The following NSUN6 variants were observed in gnomAD, a reference collection of about 807,000 sequenced individuals.
The protein encoded by NSUN6 is NOP2/Sun RNA methyltransferase 6.
In NSUN6, 64 loss-of-function variants were observed where a neutral mutation model predicts 58.0. That is an observed-to-expected ratio of 1.10 (90% CI 0.90 to 1.36). The LOEUF (loss-of-function observed/expected upper bound fraction) is 1.36. Among genes scored for constraint, NSUN6 ranks in the 40% most tolerant of loss-of-function variants. The pLI is 0.00. For synonymous variants in NSUN6, 231 were observed against 193.9 expected, an observed-to-expected ratio of 1.19 and a Z score of -1.59; for missense variants, 701 against 550.1, an observed-to-expected ratio of 1.27 and a Z score of -2.74.
intron 8 of NSUN6, among the ~76,000 whole-genome samples, chr10:18,568,457 C>T (rs2056125514): frequency 1.3e-5 from 2 of 151,408 alleles, no homozygotes; most frequent in African/African-American, 2.4e-5. Flanking sequence ...CATCTCCATT[C>T]CATTCCATTC....
At chr10:18,551,685 G>A in intron 9 of NSUN6, 138 bp downstream of exon 9, 1 of 638,126 alleles carries the variant, frequency 1.6e-6, no homozygotes, top group Non-Finnish European at 2.8e-6. Context: ...TGTTATCCAT[G>A]TATCTGTCAA....
intron 6 of NSUN6, among the ~76,000 whole-genome samples, chr10:18,608,938 G>A (rs1450856931): frequency 3.9e-5 from 6 of 152,168 alleles, no homozygotes; most frequent in Admixed American, 3.9e-4. Flanking sequence ...TGTGCAAATA[G>A]ATAATAATAA....
At chr10:18,591,026 C>A (rs2057359018) in intron 7 of NSUN6, among the ~76,000 whole-genome samples, 1 of 151,974 alleles carries the variant, frequency 6.6e-6, no homozygotes. Flanking sequence ...AAGAATCAAA[C>A]AGACACAATA....
intron 6 of NSUN6, among the ~76,000 whole-genome samples, chr10:18,606,079 T>C (rs186676203): frequency 9.9e-4 from 151 of 152,260 alleles, no homozygotes; most frequent in Non-Finnish European, 1.7e-3. Context: ...GCATAATAAA[T>C]ATTTTAAAAT....
intron 6 of NSUN6, among the ~76,000 whole-genome samples, chr10:18,597,873 T>A (rs1176694074): frequency 6.6e-6 from 1 of 152,196 alleles, no homozygotes; most frequent in Admixed American, 6.5e-5. Context: ...AACTCAGTGG[T>A]GAGAAAGCAG....
intron 8 of NSUN6, among the ~76,000 whole-genome samples, chr10:18,569,689 T>TTCTCCATTCCAC (rs1032091624): frequency 1.3e-5 from 2 of 150,596 alleles, no homozygotes; most frequent in African/African-American, 4.9e-5. Flanking sequence ...TTCTATTCCT[T>TTCTCCATTCCAC]TCTCCATTCC....
chr10:18,600,878 A>C (rs921710373), intron 6 of NSUN6, among the ~76,000 whole-genome samples: 6 of 145,676 alleles, frequency 4.1e-5, no homozygotes, highest in African/African-American at 1.5e-4. Context: ...CAGTGAGTGG[A>C]GATCATGCCA....
rs1386469002 is a variant in NSUN6, at chr10:18,551,843, G to A, written c.1051C>T (p.Gln351Ter). The change falls in exon 9 of 11, where the codon CAG becomes TAG. Residue 351 changes from glutamine (Q) to a stop codon, truncating the protein, a stop_gained. Coordinates refer to ENST00000377304, the MANE Select transcript of NSUN6 (RefSeq NM_182543.5). LOFTEE classifies it high-confidence loss of function. ...VKEVASYQPL[Q>*]RKLFTAAVQL... ...CATACTGCAGTGAAGAGTTTTCGCT[G>A]TAATGGCTGATATGATGCCACTTCC... 1 of 1,613,210 alleles carries A rather than the reference G, an allele frequency of 6.2e-7. No homozygotes were observed. Among genetic ancestry groups the A allele is most frequent in the Non-Finnish European group, 8.5e-7 (1 of 1,179,584 alleles).
rs141386689 is a variant in NSUN6 at position 18,589,376 on chromosome 10, C to A, written c.778-3283G>T. Among the ~76,000 whole-genome samples the A allele has an allele frequency of 3.7e-4, 56 of 152,256 alleles. No homozygotes were observed. The East Asian group carries it at 9.7e-3, about 26-fold the overall frequency. ...TATCATCCAGAAGAACTTCCCCAAC[C>A]TAGCAAGACAGGCCCAAGTTCAAAT... On this transcript the variant is annotated intron_variant, in intron 7 of 10. Coordinates refer to ENST00000377304, the MANE Select transcript of NSUN6 (RefSeq NM_182543.5).
chr10:18,651,708 C>A (rs1019124778), upstream of NSUN6: 3 of 985,842 alleles, frequency 3.0e-6, no homozygotes, highest in Non-Finnish European at 3.6e-6. Context: ...CAAGTTTCCC[C>A]AACACTGCGT....
chr10:18,625,422 G>C (rs1315014747), intron 3 of NSUN6, among the ~76,000 whole-genome samples: 6 of 152,142 alleles, frequency 3.9e-5, no homozygotes, highest in Non-Finnish European at 4.4e-5. Flanking sequence ...CAAAAGCTAA[G>C]AGGAAATAGG....
At chr10:18,576,043 G>A (rs1286640719) in intron 8 of NSUN6, among the ~76,000 whole-genome samples, 1 of 152,086 alleles carries the variant, frequency 6.6e-6, no homozygotes, top group Admixed American at 6.6e-5. Context: ...AGCTGAGAGA[G>A]GATGGACTCA....
intron 3 of NSUN6, 146 bp from the exon 4 acceptor site, chr10:18,616,439 TAG>T (rs2058413620): frequency 7.9e-6 from 4 of 506,566 alleles, no homozygotes; most frequent in Non-Finnish European, 3.5e-6. Context: ...GGCATACATA[TAG>T]AGGAAACAGG....
chr10:18,650,076 G>C (rs1234506791), intron 1 of NSUN6, among the ~76,000 whole-genome samples: 1 of 152,168 alleles, frequency 6.6e-6, no homozygotes, highest in Non-Finnish European at 1.5e-5. Context: ...GTGGTAGAGA[G>C]GACAGGCTTT....
chr10:18,601,752 G>C (rs1366447780), intron 6 of NSUN6, among the ~76,000 whole-genome samples: 1 of 152,086 alleles, frequency 6.6e-6, no homozygotes, highest in African/African-American at 2.4e-5. Flanking sequence ...GGAAGCTGAG[G>C]CGGCCAGATC....
chr10:18,567,760 A>G (rs2056072077), intron 8 of NSUN6, among the ~76,000 whole-genome samples: 1 of 143,678 alleles, frequency 7.0e-6, no homozygotes, highest in African/African-American at 2.6e-5. Flanking sequence ...TCCTTTCTCC[A>G]TTTCATTCCA....
intron 3 of NSUN6, among the ~76,000 whole-genome samples, chr10:18,636,466 G>A (rs899646662): frequency 2.6e-5 from 4 of 151,378 alleles, no homozygotes; most frequent in African/African-American, 9.7e-5. Flanking sequence ...TTCGAGACCA[G>A]CCTGGGCAGC....
At chr10:18,554,608 G>C (rs920505102) in intron 8 of NSUN6, among the ~76,000 whole-genome samples, 5 of 150,978 alleles carry the variant, frequency 3.3e-5, no homozygotes, top group African/African-American at 1.2e-4. Flanking sequence ...GACTGTAGTG[G>C]AAAAAGGACT....
At chr10:18,644,584 C>G (rs542263130) in intron 2 of NSUN6, among the ~76,000 whole-genome samples, 24 of 151,456 alleles carry the variant, frequency 1.6e-4, no homozygotes, top group Non-Finnish European at 3.1e-4. Flanking sequence ...TGCCTGTAAT[C>G]CCAGCACTTT....
Sources: allele counts gnomAD v4.1 joint callset (sites outside exome capture counted in the v4.1 genomes callset), GRCh38; gene constraint gnomAD v4.1.1; transcripts MANE v1.5; gene names NCBI Gene and HGNC (gene_info 2026-07-23, HGNC 2026-07-21).